Variants in STK24 observed in about 807,000 individuals in gnomAD.
STK24 encodes the protein serine/threonine-protein kinase 24.
A neutral mutation model predicts 55.6 loss-of-function variants in STK24; 21 were observed. The ratio of observed to expected loss-of-function variants is 0.38; its 90% CI spans 0.27 to 0.54. The LOEUF (loss-of-function observed/expected upper bound fraction) is 0.54. Ranked by LOEUF, STK24 falls within the 20% of genes least tolerant of loss-of-function variation. The probability of loss-of-function intolerance (pLI) is 0.79; values close to 1 mark genes in which losing one functional copy is unlikely to be tolerated. For synonymous variants in STK24, 200 were observed against 215.2 expected (o/e 0.93, Z 0.62); for missense variants, 383 against 538.4 (o/e 0.71, Z 2.86).
At chr13:98,546,329 G>A (rs1897028309) in intron 1 of STK24, among the ~76,000 whole-genome samples, 1 of 152,130 alleles carries the variant, frequency 6.6e-6, no homozygotes, top group Non-Finnish European at 1.5e-5. Flanking sequence ...GTCCATCTGA[G>A]AAAGCCCTTA....
chr13:98,483,978 T>C (rs1291769311), intron 2 of STK24, among the ~76,000 whole-genome samples: 1 of 152,224 alleles, frequency 6.6e-6, no homozygotes, highest in African/African-American at 2.4e-5. Context: ...GCTAAGATAA[T>C]AAAGACAACT....
chr13:98,540,939 C>A (rs1896871441), intron 1 of STK24, among the ~76,000 whole-genome samples: 1 of 152,006 alleles, frequency 6.6e-6, no homozygotes. Flanking sequence ...TGAAGAAGCT[C>A]CCCAGGCCTC....
At chr13:98,460,469 A>G in intron 8 of STK24, 29 bp from the exon 9 acceptor site, 1 of 1,592,152 alleles carries the variant, frequency 6.3e-7, no homozygotes, top group South Asian at 1.1e-5. Context: ...AAAGGTCATC[A>G]GAAACAGTTG....
Position 98,446,562 on chromosome 13 carries a change from G to A in STK24, c.*6611C>T. ...CCTTCCAGGCCCACGCCCGAGGAGGGAGCTGCCTGGGCTCCCAAGTCCCTG... is the reference window on the plus strand; with the variant it reads ...CCTTCCAGGCCCACGCCCGAGGAGGAAGCTGCCTGGGCTCCCAAGTCCCTG... On this transcript the variant is annotated 3_prime_UTR_variant, in exon 11 of 11. Coordinates refer to ENST00000539966, the MANE Select transcript of STK24 (RefSeq NM_001032296.4). 1 of 1,230,506 alleles carries A rather than the reference G, an allele frequency of 8.1e-7. No homozygotes were observed. The allele number at this position is 1,230,506 out of a possible 1,614,324, so 76.2% of individuals were successfully genotyped here.
rs1001314160 is a variant in STK24, at chr13:98,445,314, G to A, written c.*7859C>T. The stretch of plus-strand genomic sequence containing the variant: ...GGTGGTGCAACTGCTTTGAGTCTCT[G>A]CTGGTGATGTCACTTTGGCAAAGGG... On this transcript the variant is annotated 3_prime_UTR_variant, in exon 11 of 11. Coordinates refer to ENST00000539966, the MANE Select transcript of STK24 (RefSeq NM_001032296.4). 3 of 152,288 alleles carry A rather than the reference G, an allele frequency of 2.0e-5. No homozygotes were observed. The highest frequency in any genetic ancestry group is 7.2e-5 in the African/African-American group (3 of 41,470). 9.4% of individuals were successfully genotyped at this position (152,288 alleles called of 1,614,324 possible).
At position 98,543,043 on chromosome 13, in the gene STK24, G is replaced by C. The variant is rs745711005; in HGVS notation, c.43-23570C>G. On this transcript the variant is annotated intron_variant, in intron 1 of 10. Coordinates refer to ENST00000539966, the MANE Select transcript of STK24 (RefSeq NM_001032296.4). ...AGGCCCAAAGACTGAAGCCTCCGGG[G>C]GCTTACAGGTGCCAGCAAAGGCCAA... 1.0e-5 allele frequency: 10 copies of C among 985,220 alleles called. No homozygotes were observed. In the South Asian group the frequency reaches 1.9e-4, roughly 19 times the overall value. The allele number at this position is 985,220 out of a possible 1,614,324, so 61.0% of individuals were successfully genotyped here. A position where few individuals can be genotyped will look rare whatever the true frequency, so the allele number is the denominator to read the frequency against.
intron 2 of STK24, among the ~76,000 whole-genome samples, chr13:98,500,364 T>C (rs1895406693): frequency 6.6e-6 from 1 of 152,222 alleles, no homozygotes; most frequent in African/African-American, 2.4e-5. Flanking sequence ...AGAAGCTATT[T>C]AAGAAGGCTC....
At chr13:98,553,534 CT>C in intron 1 of STK24, 15 of 175,978 alleles carry the variant, frequency 8.5e-5, no homozygotes, top group Admixed American at 1.8e-4. Context: ...CTCCTTTGGC[CT>C]TTTTCCAGTT....
At chr13:98,514,308 T>C (rs1469075792) in intron 2 of STK24, among the ~76,000 whole-genome samples, 1 of 152,218 alleles carries the variant, frequency 6.6e-6, no homozygotes, top group Non-Finnish European at 1.5e-5. Context: ...TCCCCAAGGA[T>C]AAAATGACTG....
chr13:98,537,546 G>C (rs1896769107), intron 1 of STK24, among the ~76,000 whole-genome samples: 1 of 152,166 alleles, frequency 6.6e-6, no homozygotes, highest in South Asian at 2.1e-4. Flanking sequence ...CACTGGCCAG[G>C]GTGCCGGCCT....
At chr13:98,529,447 A>G (rs1394808916) in intron 1 of STK24, among the ~76,000 whole-genome samples, 1 of 152,128 alleles carries the variant, frequency 6.6e-6, no homozygotes, top group Non-Finnish European at 1.5e-5. Flanking sequence ...CACTGCTTAA[A>G]ACAACTGGGG....
rs1893086974 is a variant in STK24 at position 98,449,601 on chromosome 13, C to T, written c.*3572G>A. On this transcript the variant is annotated 3_prime_UTR_variant, in exon 11 of 11. Coordinates refer to ENST00000539966, the MANE Select transcript of STK24 (RefSeq NM_001032296.4). ...CCAGGAACGCACCCTCTCTGTGGAGCTCTGACTGGTGTAGCTGGAAACAAA... is the reference window on the plus strand; with the variant it reads ...CCAGGAACGCACCCTCTCTGTGGAGTTCTGACTGGTGTAGCTGGAAACAAA... The T allele has an allele frequency of 6.6e-6, 1 of 152,654 alleles. No homozygotes were observed. The highest frequency in any genetic ancestry group is 6.5e-5 in the Admixed American group (1 of 15,274). 9.5% of individuals were successfully genotyped at this position (152,654 alleles called of 1,614,324 possible).
intron 1 of STK24, among the ~76,000 whole-genome samples, chr13:98,573,661 C>G (rs1159372521): frequency 1.3e-5 from 2 of 152,194 alleles, no homozygotes; most frequent in African/African-American, 2.4e-5. Context: ...AATCAGCCTC[C>G]TATTTCTAAT....
chr13:98,470,731 C>CA (rs1484941125), intron 5 of STK24, among the ~76,000 whole-genome samples: 1 of 152,216 alleles, frequency 6.6e-6, no homozygotes, highest in Non-Finnish European at 1.5e-5. Flanking sequence ...ATCTATGCAA[C>CA]AGCATCCTAC....
intron 2 of STK24, among the ~76,000 whole-genome samples, chr13:98,493,512 T>C (rs1243864628): frequency 6.6e-6 from 1 of 152,108 alleles, no homozygotes; most frequent in African/African-American, 2.4e-5. Flanking sequence ...TCCCCATCCA[T>C]CTTCATTAAA....
chr13:98,524,955 A>T (rs539112523), intron 1 of STK24, among the ~76,000 whole-genome samples: 2 of 152,252 alleles, frequency 1.3e-5, no homozygotes, highest in Non-Finnish European at 2.9e-5. Flanking sequence ...CTGTGTCAGC[A>T]GCTGTAGGCC....
At chr13:98,463,006 A>C (rs1355640999) in intron 7 of STK24, among the ~76,000 whole-genome samples, 1 of 152,110 alleles carries the variant, frequency 6.6e-6, no homozygotes, top group African/African-American at 2.4e-5. Flanking sequence ...TTTAAACTGG[A>C]ATCACCTAGA....
At chr13:98,496,702 T>G (rs1248656512) in intron 2 of STK24, among the ~76,000 whole-genome samples, 2 of 152,242 alleles carry the variant, frequency 1.3e-5, no homozygotes, top group East Asian at 3.8e-4. Context: ...TATAAAATGT[T>G]GCAGACTCTG....
In STK24 at chr13:98,446,108, C is replaced by G; in HGVS notation, c.*7065G>C. On this transcript the variant is annotated 3_prime_UTR_variant, in exon 11 of 11. Transcript: ENST00000539966. Reference sequence around the variant, plus strand: ...CTCCTTGCCTTTCAGAATCAGTTGTCTGGAAACCTGCTGAGGAAATTCAAA... The same window carrying G: ...CTCCTTGCCTTTCAGAATCAGTTGTGTGGAAACCTGCTGAGGAAATTCAAA... The G allele has an allele frequency of 6.2e-7, 1 of 1,613,490 alleles. No homozygotes were observed. Among genetic ancestry groups the G allele is most frequent in the African/African-American group, 1.3e-5 (1 of 75,068 alleles).
Sources: allele counts gnomAD v4.1 joint callset (sites outside exome capture counted in the v4.1 genomes callset), GRCh38; gene constraint gnomAD v4.1.1; transcripts MANE v1.5; gene names NCBI Gene and HGNC (gene_info 2026-07-23, HGNC 2026-07-21).